Variants in SORBS2 observed in about 807,000 individuals in gnomAD.
SORBS2 encodes the protein sorbin and SH3 domain containing 2.
SORBS2 carries 46 observed loss-of-function variants against 97.7 expected under a neutral mutation model. That is an observed-to-expected ratio of 0.47 (90% confidence interval 0.37 to 0.60). SORBS2 has a LOEUF of 0.60. Ranked by LOEUF, SORBS2 falls within the 20% of genes least tolerant of loss-of-function variation. The pLI is 0.00. For missense variants in SORBS2, 1,316 were observed against 1,282.3 expected, an observed-to-expected ratio of 1.03 and a Z score of -0.40; for synonymous variants, 476 against 473.4, an observed-to-expected ratio of 1.01 and a Z score of -0.07.
At chr4:185,712,465 G>A (rs1446564048) in intron 2 of SORBS2, among the ~76,000 whole-genome samples, 1 of 152,196 alleles carries the variant, frequency 6.6e-6, no homozygotes, top group Non-Finnish European at 1.5e-5. Context: ...CTGGATGCCA[G>A]GCAAGAGCTC....
chr4:185,836,375 A>G (rs2153675364), intron 1 of SORBS2, among the ~76,000 whole-genome samples: 1 of 152,348 alleles, frequency 6.6e-6, no homozygotes, highest in East Asian at 1.9e-4. Context: ...AGACAGATAA[A>G]AGGTCAGTTT....
chr4:185,701,041 T>C (rs1240332592), intron 2 of SORBS2, among the ~76,000 whole-genome samples: 5 of 152,244 alleles, frequency 3.3e-5, no homozygotes, highest in African/African-American at 1.2e-4. Flanking sequence ...TTATTTGACG[T>C]ACTGGCTAAA....
Position 185,919,267 on chromosome 4 carries a change from T to G in SORBS2, c.-338+36929A>C, listed in dbSNP as rs2099259848. On this transcript the variant is annotated intron_variant, in intron 1 of 20. Transcript: ENST00000284776. ...AAGATACTTGATTACATAAGTGTTC[T>G]GCCTAGAAATCCCAAAACTCTTACT... is the stretch of plus-strand genomic sequence containing the variant. 3 of 152,330 alleles carry G rather than the reference T, an allele frequency of 2.0e-5. No homozygotes were observed. The South Asian group carries it at 6.2e-4, about 32-fold the overall frequency. 9.4% of individuals were successfully genotyped at this position (152,330 alleles called of 1,614,324 possible).
At chr4:185,594,710 C>A (rs189862027) in intron 12 of SORBS2, among the ~76,000 whole-genome samples, 1 of 152,264 alleles carries the variant, frequency 6.6e-6, no homozygotes, top group East Asian at 1.9e-4. Flanking sequence ...CATATACCCA[C>A]ATTAATATTT....
At chr4:185,707,359 C>A (rs753023534) in intron 2 of SORBS2, among the ~76,000 whole-genome samples, 1 of 152,194 alleles carries the variant, frequency 6.6e-6, no homozygotes, top group Non-Finnish European at 1.5e-5. Context: ...AGGATTGCAA[C>A]AGTTTATAAC....
intron 2 of SORBS2, among the ~76,000 whole-genome samples, chr4:185,705,165 TAC>T (rs1330410475): frequency 6.6e-6 from 1 of 152,246 alleles, no homozygotes; most frequent in African/African-American, 2.4e-5. Flanking sequence ...CCTAGTTCAG[TAC>T]AGGACTACCC....
chr4:185,781,093 A>G (rs1449976393), intron 1 of SORBS2, among the ~76,000 whole-genome samples: 1 of 151,978 alleles, frequency 6.6e-6, no homozygotes, highest in East Asian at 1.9e-4. Flanking sequence ...ATGCGCCACC[A>G]CACCTGGCTA....
chr4:185,589,477 A>G (rs987834139), intron 14 of SORBS2, among the ~76,000 whole-genome samples: 8 of 152,214 alleles, frequency 5.3e-5, no homozygotes, highest in Non-Finnish European at 1.0e-4. Flanking sequence ...CTCGCAGAAA[A>G]TCACACATAG....
intron 6 of SORBS2, among the ~76,000 whole-genome samples, chr4:185,626,399 A>G (rs1005407173): frequency 2.0e-5 from 3 of 152,128 alleles, no homozygotes; most frequent in African/African-American, 7.2e-5. Flanking sequence ...ATTTTTTAAA[A>G]CCCTCCAAAC....
chr4:185,672,974 C>T (rs1300645734), intron 4 of SORBS2, among the ~76,000 whole-genome samples: 1 of 152,112 alleles, frequency 6.6e-6, no homozygotes, highest in Non-Finnish European at 1.5e-5. Context: ...ACCAAATGTC[C>T]ATTGATGGAC....
intron 1 of SORBS2, among the ~76,000 whole-genome samples, chr4:185,860,147 G>A (rs1310282323): frequency 6.6e-6 from 1 of 152,152 alleles, no homozygotes; most frequent in African/African-American, 2.4e-5. Context: ...TGAGCAAATG[G>A]AGATGGAGAA....
At position 185,738,911 on chromosome 4, in the gene SORBS2, A is replaced by G. The variant is rs147750357; in HGVS notation, c.-198+36316T>C. ...TTGATTGGTGTGTTTGACCAAAATA[A>G]TATGTTGGAAGTGATACCAGTGCAA... On this transcript the variant is annotated intron_variant, in intron 2 of 20. Transcript: ENST00000284776. Among the ~76,000 whole-genome samples, 730 of 152,308 alleles carry G rather than the reference A, an allele frequency of 4.8e-3. 9 individuals are homozygous for G. The highest frequency in any genetic ancestry group is 0.016 in the African/African-American group (685 of 41,552).
chr4:185,868,092 G>A (rs1256929824), intron 1 of SORBS2, among the ~76,000 whole-genome samples: 1 of 151,644 alleles, frequency 6.6e-6, no homozygotes, highest in Admixed American at 6.6e-5. Context: ...TTAGTTAGAG[G>A]GGTAGAGTAA....
intron 1 of SORBS2, among the ~76,000 whole-genome samples, chr4:185,935,036 T>C (rs1196660835): frequency 1.3e-5 from 2 of 152,356 alleles, no homozygotes; most frequent in East Asian, 1.9e-4. Context: ...TCTGCCTTTC[T>C]GTTCCAAGTC....
chr4:185,740,614 C>A (rs2098716682), intron 2 of SORBS2, among the ~76,000 whole-genome samples: 1 of 152,122 alleles, frequency 6.6e-6, no homozygotes, highest in Non-Finnish European at 1.5e-5. Context: ...TTAACTCAGC[C>A]CAACACTAAC....
chr4:185,619,610 G>T (rs1184342228), intron 8 of SORBS2, among the ~76,000 whole-genome samples: 1 of 152,186 alleles, frequency 6.6e-6, no homozygotes, highest in Non-Finnish European at 1.5e-5. Context: ...CTGGTTAAAA[G>T]CTCTTTTTAG....
rs149867093 is a variant in SORBS2 at position 185,635,570 on chromosome 4, G to A, written c.397-4972C>T. The stretch of plus-strand genomic sequence containing the variant: ...AGAATGACATGAATGGAGCAAAATG[G>A]GGGCAGCTGGGAGGAAGTGTGCAAC... On this transcript the variant is annotated intron_variant, in intron 4 of 14. Coordinates refer to ENST00000418609, the Ensembl canonical transcript of SORBS2. Among the ~76,000 whole-genome samples, 676 of 152,282 alleles carry A rather than the reference G, an allele frequency of 4.4e-3. 3 individuals are homozygous for A. The highest frequency in any genetic ancestry group is 7.8e-3 in the Non-Finnish European group (528 of 68,022).
chr4:185,815,152 G>A (rs1324781363), intron 1 of SORBS2, among the ~76,000 whole-genome samples: 1 of 152,214 alleles, frequency 6.6e-6, no homozygotes, highest in East Asian at 1.9e-4. Context: ...TATAATAGGT[G>A]CAGAGTAATG....
chr4:185,619,307 T>C (rs996919144), intron 8 of SORBS2, among the ~76,000 whole-genome samples: 8 of 152,184 alleles, frequency 5.3e-5, no homozygotes, highest in Admixed American at 5.2e-4. Context: ...AGGCCAGCTC[T>C]TCCTTCCTCA....
Sources: gnomAD v4.1 joint callset for allele counts (sites outside exome capture counted in the v4.1 genomes callset) on GRCh38, gnomAD v4.1.1 for gene constraint, MANE v1.5 for transcripts, NCBI Gene and HGNC (gene_info 2026-07-23, HGNC 2026-07-21) for gene names.